Variants in KCNQ5 observed in about 807,000 individuals in gnomAD.
KCNQ5 encodes potassium voltage-gated channel subfamily Q member 5.
KCNQ5 carries 30 observed loss-of-function variants against 98.2 expected under a neutral mutation model. The observed-to-expected ratio is 0.31, with a 90% confidence interval of 0.23 to 0.41. The LOEUF is 0.41. Among genes scored for constraint, KCNQ5 ranks in the 10% least tolerant of loss-of-function variants. KCNQ5 has a pLI of 1.00. For synonymous variants in KCNQ5, 458 were observed against 449.4 expected, an observed-to-expected ratio of 1.02 and a Z score of -0.24; for missense variants, 835 against 1,182.5, an observed-to-expected ratio of 0.71 and a Z score of 4.31.
intron 1 of KCNQ5, among the ~76,000 whole-genome samples, chr6:72,687,899 C>T (rs112186537): frequency 0.074 from 10,790 of 145,678 alleles, 1,083 homozygotes; most frequent in African/African-American, 0.23. Flanking sequence ...AGTGCAGTGG[C>T]GTGATGTCGG....
chr6:72,713,427 A>G (rs1412164006), intron 1 of KCNQ5, among the ~76,000 whole-genome samples: 3 of 152,222 alleles, frequency 2.0e-5, no homozygotes, highest in Admixed American at 6.5e-5. Flanking sequence ...CAGAAGTCCA[A>G]CCAATCACCA....
chr6:72,948,650 TAA>T (rs1393072868), intron 1 of KCNQ5, among the ~76,000 whole-genome samples: 3 of 152,100 alleles, frequency 2.0e-5, no homozygotes, highest in African/African-American at 7.2e-5. Flanking sequence ...AAATTTTCCT[TAA>T]GTTATTTTCT....
intron 1 of KCNQ5, among the ~76,000 whole-genome samples, chr6:72,946,267 C>A (rs1017767442): frequency 6.6e-6 from 1 of 152,030 alleles, no homozygotes; most frequent in African/African-American, 2.4e-5. Context: ...TTATGCCTCT[C>A]GGATGAAGTG....
At chr6:72,695,725 G>T (rs796315526) in intron 1 of KCNQ5, among the ~76,000 whole-genome samples, 59 of 151,946 alleles carry the variant, frequency 3.9e-4, no homozygotes, top group African/African-American at 1.4e-3. Context: ...CACTTGTTTT[G>T]GGAAGATTTA....
chr6:73,049,414 C>G (rs1772112340), intron 3 of KCNQ5, among the ~76,000 whole-genome samples: 1 of 152,178 alleles, frequency 6.6e-6, no homozygotes. Context: ...ACATTGTTTA[C>G]TTCACTCTAT....
intron 5 of KCNQ5, among the ~76,000 whole-genome samples, chr6:73,079,087 A>C (rs1273929088): frequency 6.6e-6 from 1 of 152,148 alleles, no homozygotes; most frequent in Non-Finnish European, 1.5e-5. Context: ...CAGTTGCTTG[A>C]GCTCAGGCAT....
intron 2 of KCNQ5, among the ~76,000 whole-genome samples, chr6:73,012,211 G>A (rs912024815): frequency 1.1e-4 from 16 of 152,046 alleles, no homozygotes; most frequent in African/African-American, 3.6e-4. Context: ...ATGTGGAAAC[G>A]ACCCAAGTGT....
chr6:72,742,810 G>T (rs1042430038), intron 1 of KCNQ5, among the ~76,000 whole-genome samples: 2 of 152,094 alleles, frequency 1.3e-5, no homozygotes, highest in Admixed American at 1.3e-4. Context: ...AACTCCAAAT[G>T]CAGAAATGAA....
At chr6:72,694,676 T>C (rs562527043) in intron 1 of KCNQ5, among the ~76,000 whole-genome samples, 29 of 152,306 alleles carry the variant, frequency 1.9e-4, no homozygotes, top group Non-Finnish European at 3.4e-4. Flanking sequence ...CCTCAAGAAA[T>C]GTGTTATTGT....
chr6:73,000,180 C>T (rs1170967178), intron 1 of KCNQ5, among the ~76,000 whole-genome samples: 3 of 152,136 alleles, frequency 2.0e-5, no homozygotes, highest in Non-Finnish European at 4.4e-5. Context: ...AGCAAAACCA[C>T]ACACACAAAC....
intron 1 of KCNQ5, among the ~76,000 whole-genome samples, chr6:72,851,031 G>A (rs1285529341): frequency 1.3e-5 from 2 of 152,156 alleles, no homozygotes; most frequent in Non-Finnish European, 2.9e-5. Context: ...CTGCTTAGAA[G>A]TAGGTTCACA....
intron 1 of KCNQ5, among the ~76,000 whole-genome samples, chr6:72,805,787 C>A (rs1774924832): frequency 6.6e-6 from 1 of 152,042 alleles, no homozygotes; most frequent in Non-Finnish European, 1.5e-5. Context: ...AGTATTGATT[C>A]CCCACCTATG....
In KCNQ5 at chr6:72,744,045, C is replaced by CA. The variant is rs199933787; in HGVS notation, c.398+121458_398+121459insA. On this transcript the variant is annotated intron_variant, in intron 1 of 13. Coordinates refer to ENST00000370398, the MANE Select transcript of KCNQ5 (RefSeq NM_019842.4). ...ATGTTAGCATGTGTTTTCATAATCA[C>CA]CAGGTCAGGGAAAAGATACTGGTAA... is the stretch of plus-strand genomic sequence containing the variant. Among the ~76,000 whole-genome samples the CA allele has an allele frequency of 1.9e-3, 284 of 152,236 alleles. 2 individuals are homozygous for CA. The highest frequency in any genetic ancestry group is 0.013 in the Admixed American group (197 of 15,298).
At chr6:72,847,465 C>T (rs1013444898) in intron 1 of KCNQ5, among the ~76,000 whole-genome samples, 1 of 152,120 alleles carries the variant, frequency 6.6e-6, no homozygotes, top group Admixed American at 6.5e-5. Flanking sequence ...CCAACAGAGT[C>T]TTTATATGGT....
intron 1 of KCNQ5, among the ~76,000 whole-genome samples, chr6:72,862,584 T>C (rs1355956719): frequency 5.9e-5 from 9 of 152,182 alleles, no homozygotes; most frequent in African/African-American, 1.7e-4. Context: ...AGTGAGTCCA[T>C]TAGGCTAGGG....
chr6:73,188,104 C>G (rs532529211), intron 11 of KCNQ5, among the ~76,000 whole-genome samples: 1 of 152,338 alleles, frequency 6.6e-6, no homozygotes, highest in African/African-American at 2.4e-5. Flanking sequence ...AAAGAAAGAA[C>G]TGCCAAAGAT....
intron 1 of KCNQ5, among the ~76,000 whole-genome samples, chr6:72,670,665 C>T (rs1004352163): frequency 2.6e-5 from 4 of 152,174 alleles, no homozygotes; most frequent in East Asian, 1.9e-4. Context: ...CCAGCCAGTT[C>T]GGTTCTTGGC....
At chr6:72,771,436 T>G (rs988456342) in intron 1 of KCNQ5, among the ~76,000 whole-genome samples, 1 of 152,134 alleles carries the variant, frequency 6.6e-6, no homozygotes, top group Non-Finnish European at 1.5e-5. Flanking sequence ...GATTCCCTTT[T>G]CTCCACACCA....
At chr6:72,798,282 A>G (rs553939088) in intron 1 of KCNQ5, among the ~76,000 whole-genome samples, 1 of 152,274 alleles carries the variant, frequency 6.6e-6, no homozygotes, top group Non-Finnish European at 1.5e-5. Flanking sequence ...AGCTGGTATT[A>G]TGGTTTGAAG....
Sources: gnomAD v4.1 joint callset for allele counts (sites outside exome capture counted in the v4.1 genomes callset) on GRCh38, gnomAD v4.1.1 for gene constraint, MANE v1.5 for transcripts, NCBI Gene and HGNC (gene_info 2026-07-23, HGNC 2026-07-21) for gene names.